PDE10A: variants seen among roughly 807,000 people sequenced by gnomAD.
PDE10A encodes the protein cAMP and cAMP-inhibited cGMP 3',5'-cyclic phosphodiesterase 10A.
Under a neutral mutation model 97.7 loss-of-function variants are expected in PDE10A, and 39 were observed. The observed-to-expected ratio is 0.40, with a 90% CI of 0.31 to 0.52. The LOEUF (loss-of-function observed/expected upper bound fraction) is 0.52. Ranked by LOEUF, PDE10A falls within the 20% of genes least tolerant of loss-of-function variation. The pLI is 0.56. For synonymous variants in PDE10A, 371 were observed against 376.8 expected, an observed-to-expected ratio of 0.98 and a Z score of 0.18; for missense variants, 731 against 1,047.8, an observed-to-expected ratio of 0.70 and a Z score of 4.17.
chr6:165,408,191 A>G (rs964941974), intron 13 of PDE10A, among the ~76,000 whole-genome samples: 5 of 152,250 alleles, frequency 3.3e-5, no homozygotes, highest in Non-Finnish European at 5.9e-5. Flanking sequence ...CCCAAGATCA[A>G]CACAATTAAA....
chr6:165,889,531 T>C (rs969353133), intron 1 of PDE10A, among the ~76,000 whole-genome samples: 3 of 152,170 alleles, frequency 2.0e-5, no homozygotes, highest in Admixed American at 2.0e-4. Flanking sequence ...GCAAGCTTTC[T>C]GATGGAGTTG....
chr6:165,802,051 C>T (rs1048727165), intron 1 of PDE10A, among the ~76,000 whole-genome samples: 1 of 152,180 alleles, frequency 6.6e-6, no homozygotes, highest in Admixed American at 6.5e-5. Flanking sequence ...TTCATAGCCA[C>T]CCATAACTGA....
intron 1 of PDE10A, among the ~76,000 whole-genome samples, chr6:165,823,657 G>A (rs1056504784): frequency 7.2e-5 from 9 of 125,850 alleles, no homozygotes; most frequent in Non-Finnish European, 1.1e-4. Flanking sequence ...TAACAGAATC[G>A]TTTATTGTCA....
At chr6:165,825,018 A>T (rs1268438696) in intron 1 of PDE10A, among the ~76,000 whole-genome samples, 2 of 149,312 alleles carry the variant, frequency 1.3e-5, no homozygotes, top group Non-Finnish European at 3.0e-5. Flanking sequence ...GCATGGTGGC[A>T]GTCACCTGTA....
chr6:165,771,684 A>G (rs1778015958), intron 1 of PDE10A, among the ~76,000 whole-genome samples: 1 of 151,796 alleles, frequency 6.6e-6, no homozygotes, highest in Admixed American at 6.6e-5. Flanking sequence ...AAGCATGCAA[A>G]ACAAAAAGCA....
chr6:165,333,038 G>A lies in PDE10A; in HGVS notation c.3155C>T (p.Ala1052Val). 6.2e-7 allele frequency: 1 copy of A among 1,603,308 alleles called. No individual in the cohort carries two copies. The highest frequency in any genetic ancestry group is 8.5e-7 in the Non-Finnish European group (1 of 1,170,946). Residue 1052 changes from alanine to valine, a missense_variant, in exon 22 of 22, where the codon GCA becomes GTA. Around this residue, in one of 8 missense-constraint regions of PDE10A, gnomAD observed 34 missense variants for 29.7 expected, o/e 1.14. Coordinates refer to ENST00000539869, the MANE Select transcript of PDE10A (RefSeq NM_001385079.1). ...SSPSVAQKAAASED is the reference protein window; with the variant it reads ...SSPSVAQKAAVSED ...GGTGACCAGTGCTCAATCTTCAGAT[G>A]CAGCTGCCTTCTGAGCCACGGATGG...
chr6:165,939,279 C>G (rs1200581624), intron 1 of PDE10A, among the ~76,000 whole-genome samples: 1 of 152,158 alleles, frequency 6.6e-6, no homozygotes, highest in Non-Finnish European at 1.5e-5. Flanking sequence ...TTGTATAGGG[C>G]GAGGGGCACC....
At chr6:165,945,785 C>A (rs566199917) in intron 1 of PDE10A, among the ~76,000 whole-genome samples, 1 of 152,292 alleles carries the variant, frequency 6.6e-6, no homozygotes, top group South Asian at 2.1e-4. Flanking sequence ...CAATAGATAA[C>A]TAATAGAGTC....
intron 1 of PDE10A, chr6:165,576,481 C>A: frequency 1.3e-6 from 1 of 780,228 alleles, no homozygotes; most frequent in South Asian, 1.3e-5. Context: ...TCTTCTCTAC[C>A]CCCATCTCTT....
chr6:165,736,008 C>T (rs889579559), intron 1 of PDE10A, among the ~76,000 whole-genome samples: 93 of 152,238 alleles, frequency 6.1e-4, no homozygotes, highest in African/African-American at 2.1e-3. Flanking sequence ...GAAAAATAAG[C>T]ATTAACATAG....
intron 1 of PDE10A, among the ~76,000 whole-genome samples, chr6:165,606,285 G>A (rs755809632): frequency 4.6e-5 from 7 of 152,198 alleles, no homozygotes; most frequent in African/African-American, 7.2e-5. Context: ...GTGTCAGTCC[G>A]TCAGGGCTAA....
intron 2 of PDE10A, among the ~76,000 whole-genome samples, chr6:165,502,487 T>C: frequency 6.6e-6 from 1 of 152,112 alleles, no homozygotes; most frequent in East Asian, 1.9e-4. Context: ...GATGCAGAAA[T>C]GAAAAACTCA....
At chr6:165,590,949 T>C (rs1786227405) in intron 1 of PDE10A, among the ~76,000 whole-genome samples, 1 of 152,084 alleles carries the variant, frequency 6.6e-6, no homozygotes, top group African/African-American at 2.4e-5. Context: ...GATGACATCA[T>C]AGATATGTAT....
chr6:165,970,950 C>T (rs1227449934), intron 1 of PDE10A, among the ~76,000 whole-genome samples: 3 of 152,050 alleles, frequency 2.0e-5, no homozygotes, highest in Non-Finnish European at 4.4e-5. Context: ...AATTCGAGAC[C>T]CAGCCTGGCC....
chr6:165,848,194 TACAAGC>T (rs1372669524), intron 1 of PDE10A, among the ~76,000 whole-genome samples: 7 of 152,206 alleles, frequency 4.6e-5, no homozygotes, highest in Non-Finnish European at 1.0e-4. Flanking sequence ...GCATTCATTC[TACAAGC>T]ACTTACTGAG....
intron 1 of PDE10A, among the ~76,000 whole-genome samples, chr6:165,596,716 G>T (rs1365302299): frequency 6.6e-6 from 1 of 152,056 alleles, no homozygotes; most frequent in Non-Finnish European, 1.5e-5. Flanking sequence ...GCAACAGAGT[G>T]AGACCATGTC....
chr6:165,634,974 G>A (rs1047016685), intron 1 of PDE10A, among the ~76,000 whole-genome samples: 1 of 152,168 alleles, frequency 6.6e-6, no homozygotes, highest in African/African-American at 2.4e-5. Context: ...AGCGACCATC[G>A]CTCTATGTTG....
At chr6:165,369,490 T>C (rs1301592628) in intron 18 of PDE10A, among the ~76,000 whole-genome samples, 3 of 130,420 alleles carry the variant, frequency 2.3e-5, no homozygotes, top group African/African-American at 3.3e-5. Context: ...CAATGGAAGA[T>C]GAAATGAATG....
At chr6:165,971,652 G>T (rs539700568) in intron 1 of PDE10A, among the ~76,000 whole-genome samples, 5 of 152,224 alleles carry the variant, frequency 3.3e-5, no homozygotes, top group African/African-American at 4.8e-5. Flanking sequence ...GGGAGAAAAA[G>T]AAGAAGCAAA....
Sources: allele counts gnomAD v4.1 joint callset (sites outside exome capture counted in the v4.1 genomes callset), GRCh38; gene constraint gnomAD v4.1.1; regional missense constraint gnomAD v4.1.1; transcripts MANE v1.5; gene names NCBI Gene and HGNC (gene_info 2026-07-23, HGNC 2026-07-21).